TRIP11: variants seen among roughly 807,000 people sequenced by gnomAD.
TRIP11 encodes the protein thyroid receptor-interacting protein 11.
Under a neutral mutation model 223.1 loss-of-function variants are expected in TRIP11, and 148 were observed. The ratio of observed to expected loss-of-function variants is 0.66; its 90% CI spans 0.58 to 0.76. The LOEUF (loss-of-function observed/expected upper bound fraction) is 0.76, where lower values mean the gene tolerates loss of function less well. Ranked by LOEUF, TRIP11 falls within the 30% of genes least tolerant of loss-of-function variation. The pLI, the probability that TRIP11 is intolerant of heterozygous loss-of-function variation, is 0.00. For missense variants in TRIP11, 2,043 were observed against 2,222.0 expected (o/e 0.92, Z 1.62); for synonymous variants, 762 against 772.6 (o/e 0.99, Z 0.23).
intron 2 of TRIP11, among the ~76,000 whole-genome samples, chr14:92,032,426 C>T (rs1010316704): frequency 6.6e-6 from 1 of 151,760 alleles, no homozygotes; most frequent in African/African-American, 2.4e-5. Flanking sequence ...GCTCAGATTA[C>T]AGACATGAGC....
At chr14:91,985,744 T>G (rs1566848146) in intron 16 of TRIP11, among the ~76,000 whole-genome samples, 1 of 152,228 alleles carries the variant, frequency 6.6e-6, no homozygotes, top group African/African-American at 2.4e-5. Flanking sequence ...ATATTTTTGC[T>G]GTCTGGCCAA....
At position 92,005,343 on chromosome 14, in the gene TRIP11, C is replaced by T. The variant is rs766974984; in HGVS notation, c.2633G>A (p.Arg878Gln). ...TTTAGGGTCAGCCACAGGTGCGGTT[C>T]GACTCTGCTCTTCCCTGAGTCGTTC... ...ELERLREEQSRTAPVADPKTL... is the reference protein window; with the variant it reads ...ELERLREEQSQTAPVADPKTL... Residue 878 changes from arginine (R) to glutamine (Q), a missense_variant, in exon 11 of 21, where the codon CGA (arginine) becomes CAA (glutamine). By Grantham distance (43) the Arg-to-Gln change is conservative (BLOSUM62 1). Transcript: ENST00000267622. 1.1e-5 allele frequency: 17 copies of T among 1,613,978 alleles called. No homozygotes were observed. Among genetic ancestry groups the T allele is most frequent in the South Asian group, 5.5e-5 (5 of 91,074 alleles).
intron 11 of TRIP11, among the ~76,000 whole-genome samples, chr14:92,001,857 C>T (rs1476376940): frequency 1.3e-5 from 2 of 152,116 alleles, no homozygotes; most frequent in African/African-American, 4.8e-5. Context: ...TAGACCAGTA[C>T]CATTAAAGCT....
At chr14:92,031,170 G>C (rs550279283) in intron 2 of TRIP11, among the ~76,000 whole-genome samples, 1 of 152,204 alleles carries the variant, frequency 6.6e-6, no homozygotes, top group Non-Finnish European at 1.5e-5. Context: ...TTAGGCTGGA[G>C]TGCAATGGTA....
chr14:92,021,267 T>TA (rs2057110687), intron 4 of TRIP11, among the ~76,000 whole-genome samples: 1 of 150,896 alleles, frequency 6.6e-6, no homozygotes, highest in Non-Finnish European at 1.5e-5. Context: ...CGTGTGCCTA[T>TA]AATCCCAGCT....
chr14:91,970,946 T>C, intron 20 of TRIP11, among the ~76,000 whole-genome samples: 1 of 152,318 alleles, frequency 6.6e-6, no homozygotes, highest in East Asian at 1.9e-4. Flanking sequence ...CATATTACAA[T>C]GATAACAGTT....
Position 92,000,089 on chromosome 14 carries a change from T to C in TRIP11, c.4577A>G (p.Asn1526Ser). 1 of 1,613,948 alleles carries C rather than the reference T, an allele frequency of 6.2e-7. No homozygotes were observed. The highest frequency in any genetic ancestry group is 8.5e-7 in the Non-Finnish European group (1 of 1,179,944). The change falls in exon 12 of 21, where the codon AAT (asparagine) becomes AGT (serine). Residue 1526 changes from asparagine to serine, a missense_variant. Physicochemically the swap from Asn to Ser is conservative, Grantham distance 46. Transcript: ENST00000267622. ...TGATTTAACTGCATTTAAAAGCTGA[T>C]TTAACTCTCCAGTCTTGCCCTTTTG... is the stretch of plus-strand genomic sequence containing the variant. ...EKEQGKTGEL[N>S]QLLNAVKSMQ...
intron 14 of TRIP11, among the ~76,000 whole-genome samples, chr14:91,994,263 T>G (rs1401655272): frequency 6.7e-6 from 1 of 150,056 alleles, no homozygotes; most frequent in African/African-American, 2.5e-5. Context: ...AAAAACTTTT[T>G]TTTTTTTTTT....
intron 11 of TRIP11, among the ~76,000 whole-genome samples, chr14:92,002,359 T>C (rs116440754): frequency 0.02 from 3,101 of 152,210 alleles, 120 homozygotes; most frequent in African/African-American, 0.072. Context: ...GGTCAAAACA[T>C]ACCCAAAATC....
intron 16 of TRIP11, among the ~76,000 whole-genome samples, chr14:91,977,545 T>C (rs181386893): frequency 1.6e-4 from 24 of 152,232 alleles, no homozygotes; most frequent in African/African-American, 5.5e-4. Flanking sequence ...TGACCATAAA[T>C]GTATGGTATA....
Position 92,003,559 on chromosome 14 carries a change from T to G in TRIP11, c.4417A>C (p.Arg1473=). ...GENEKIVETY[R]GKETEYQALQ... is the part of the protein sequence containing the mutation. ...GCTTGATATTCTGTTTCCTTTCCCCTGTATGTTTCCACTATTTTTTCATTT... is the reference window on the plus strand; with the variant it reads ...GCTTGATATTCTGTTTCCTTTCCCCGGTATGTTTCCACTATTTTTTCATTT... The change falls in exon 11 of 21, where the codon AGG becomes CGG. Residue 1473 remains arginine (R), a synonymous_variant. Coordinates refer to ENST00000267622, the MANE Select transcript of TRIP11 (RefSeq NM_004239.4). 1 of 1,614,186 alleles carries G rather than the reference T, an allele frequency of 6.2e-7. No homozygotes were observed. The highest frequency in any genetic ancestry group is 8.5e-7 in the Non-Finnish European group (1 of 1,180,004).
Position 91,969,847 on chromosome 14 carries a change from A to G in TRIP11, c.5766T>C (p.Phe1922=). 6.2e-7 allele frequency: 1 copy of G among 1,614,206 alleles called. No homozygotes were observed. Among genetic ancestry groups the G allele is most frequent in the Non-Finnish European group, 8.5e-7 (1 of 1,180,032 alleles). Residue 1922 remains phenylalanine (F), a synonymous_variant, in exon 21 of 21, where the codon TTT becomes TTC. Transcript: ENST00000267622. ...RSGRRTDVNP[F]LAPRSAAVPL... ...GTACAGCTGCCGAGCGAGGAGCCAA[A>G]AACGGATTTACATCTGTTCTTCTAC...
intron 8 of TRIP11, 37 bp downstream of exon 8, chr14:92,011,718 G>A (rs765502838): frequency 6.4e-7 from 1 of 1,573,928 alleles, no homozygotes; most frequent in South Asian, 1.1e-5. Context: ...TGCTTCCACT[G>A]TCTCTATGCA....
At chr14:92,026,297 C>T (rs1041925179) in intron 2 of TRIP11, among the ~76,000 whole-genome samples, 3 of 152,192 alleles carry the variant, frequency 2.0e-5, no homozygotes, top group African/African-American at 7.2e-5. Context: ...AGACATTACA[C>T]ACTGTCTTTT....
In TRIP11 at chr14:91,969,569, C is replaced by T; in HGVS notation, c.*104G>A. 8.7e-7 allele frequency: 1 copy of T among 1,147,270 alleles called. No individual in the cohort carries two copies. Among genetic ancestry groups the T allele is most frequent in the South Asian group, 1.3e-5 (1 of 79,094 alleles). The allele number at this position is 1,147,270 out of a possible 1,614,324, so 71.1% of individuals were successfully genotyped here. ...AATTCAGAGAAAGCATAATTGCGAA[C>T]AAATACATGACTTTCTCCCCAAAGG... is the stretch of plus-strand genomic sequence containing the variant. On this transcript the variant is annotated 3_prime_UTR_variant, in exon 21 of 21. Transcript: ENST00000267622.
Position 92,039,644 on chromosome 14 carries a change from C to T in TRIP11, c.42G>A (p.Gln14=), listed in dbSNP as rs61740833. Residue 14 remains glutamine (Q), a synonymous_variant, in exon 1 of 21, where the codon CAG becomes CAA. Coordinates refer to ENST00000267622, the MANE Select transcript of TRIP11 (RefSeq NM_004239.4). ...GGCTGCCCCCGACTTGACCCAGAGA[C>T]TGGCCCAATCCGGAGCCGAGGCCCC... ...WLGGLGSGLG[Q]SLGQVGGSLA... 1.1e-4 allele frequency: 177 copies of T among 1,612,724 alleles called. No individual in the cohort carries two copies. The African/African-American group carries it at 1.9e-3, about 17-fold the overall frequency.
rs779114538 is a variant in TRIP11, at chr14:91,974,681, T to G, written c.5520A>C (p.Ser1840=). 2 of 1,612,978 alleles carry G rather than the reference T, an allele frequency of 1.2e-6. No individual in the cohort carries two copies. The highest frequency in any genetic ancestry group is 2.2e-5 in the South Asian group (2 of 91,026). ...TCAAAGGTGTGTTGGGAACACTTTT[T>G]GATCCTCCTCCAAGCCACCCAGTCA... is the stretch of plus-strand genomic sequence containing the variant. ...RWMTGWLGGG[S]KSVPNTPLRP... Residue 1840 remains serine, a synonymous_variant, in exon 19 of 21, where the codon TCA becomes TCC. Coordinates refer to ENST00000267622, the MANE Select transcript of TRIP11 (RefSeq NM_004239.4).
intron 6 of TRIP11, 31 bp downstream of exon 6, chr14:92,015,665 A>T: frequency 6.5e-7 from 1 of 1,532,792 alleles, no homozygotes; most frequent in Non-Finnish European, 8.8e-7. Context: ...CTCAAAAAAA[A>T]TAATAATAAT....
intron 14 of TRIP11, among the ~76,000 whole-genome samples, chr14:91,994,120 C>T (rs1051389426): frequency 6.6e-6 from 1 of 152,138 alleles, no homozygotes; most frequent in African/African-American, 2.4e-5. Context: ...GTCTATCTTG[C>T]AGATTCTTCT....
Sources: gnomAD v4.1 joint callset for allele counts (sites outside exome capture counted in the v4.1 genomes callset) on GRCh38, gnomAD v4.1.1 for gene constraint, MANE v1.5 for transcripts, NCBI Gene and HGNC (gene_info 2026-07-23, HGNC 2026-07-21) for gene names.